FAT3: variants seen among roughly 807,000 people sequenced by gnomAD.
FAT3 encodes the protein FAT atypical cadherin 3, also known as protocadherin Fat 3.
In FAT3, 95 loss-of-function variants were observed where a neutral mutation model predicts 310.2. That is an observed-to-expected ratio of 0.31 (90% confidence interval 0.26 to 0.36). The LOEUF is 0.36. FAT3 is among the 10% of genes least tolerant of loss of function. The pLI is 1.00. For synonymous variants in FAT3, 2,314 were observed against 2,192.9 expected (o/e 1.06, Z -1.54); for missense variants, 5,408 against 5,715.6 (o/e 0.95, Z 1.74).
intron 3 of FAT3, among the ~76,000 whole-genome samples, chr11:92,635,167 G>A (rs547521220): frequency 3.5e-4 from 54 of 152,270 alleles, no homozygotes; most frequent in African/African-American, 1.3e-3. Context: ...TCCTTGTGCT[G>A]CTCCCCTGTT....
intron 3 of FAT3, among the ~76,000 whole-genome samples, chr11:92,668,144 G>T (rs1591586241): frequency 6.6e-6 from 1 of 152,324 alleles, no homozygotes; most frequent in Middle Eastern, 3.4e-3. Flanking sequence ...AGATACCAAA[G>T]TTGCAAGAAC....
At chr11:92,815,370 G>A (rs1254066884) in intron 13 of FAT3, among the ~76,000 whole-genome samples, 2 of 151,952 alleles carry the variant, frequency 1.3e-5, no homozygotes, top group Non-Finnish European at 2.9e-5. Context: ...TCAGGAGATC[G>A]AGACCATCCT....
intron 1 of FAT3, among the ~76,000 whole-genome samples, chr11:92,333,464 G>C (rs1431804899): frequency 6.6e-6 from 1 of 152,144 alleles, no homozygotes; most frequent in South Asian, 2.1e-4. Context: ...GGGACCAAGA[G>C]GGAGGTTTAG....
intron 3 of FAT3, among the ~76,000 whole-genome samples, chr11:92,612,108 G>C (rs546624813): frequency 6.6e-6 from 1 of 152,194 alleles, no homozygotes; most frequent in East Asian, 1.9e-4. Context: ...CCTATATTTA[G>C]AGTTAACCCA....
chr11:92,731,352 G>A (rs1020469591), intron 4 of FAT3, among the ~76,000 whole-genome samples: 1 of 152,012 alleles, frequency 6.6e-6, no homozygotes. Context: ...GGAAAAGGAT[G>A]GTGCCAGCCA....
intron 24 of FAT3, among the ~76,000 whole-genome samples, chr11:92,884,428 CAAG>C (rs1245932032): frequency 6.6e-6 from 1 of 152,156 alleles, no homozygotes; most frequent in Non-Finnish European, 1.5e-5. Flanking sequence ...GTGTCCATCA[CAAG>C]GAGACTAAAG....
At position 92,244,106 on chromosome 11, in the gene FAT3, A is replaced by G. The variant is rs191186846; in HGVS notation, c.-18+18932A>G. Among the ~76,000 whole-genome samples, 345 of 152,180 alleles carry G rather than the reference A, an allele frequency of 2.3e-3. 4 individuals are homozygous for G. The highest frequency in any genetic ancestry group is 7.8e-3 in the African/African-American group (323 of 41,550). On this transcript the variant is annotated intron_variant, in intron 1 of 27. Coordinates refer to ENST00000525166, the MANE Select transcript of FAT3 (RefSeq NM_001367949.2). The stretch of plus-strand genomic sequence containing the variant: ...GTGGGTATTTAGAAGAGAACTTTGA[A>G]GTAGCTTAACTCACAAAGACCGTGC...
At chr11:92,561,119 T>A (rs1955209649) in intron 3 of FAT3, among the ~76,000 whole-genome samples, 1 of 152,212 alleles carries the variant, frequency 6.6e-6, no homozygotes. Context: ...ATAGCCTGTC[T>A]GAGGCACTTG....
chr11:92,628,579 C>CA (rs1321518496), intron 3 of FAT3, among the ~76,000 whole-genome samples: 1 of 152,222 alleles, frequency 6.6e-6, no homozygotes, highest in African/African-American at 2.4e-5. Context: ...TTGCAATTGA[C>CA]AGAGTGCTTA....
Position 92,844,680 on chromosome 11 carries a change from C to T in FAT3, c.11313C>T (p.Arg3771=), listed in dbSNP as rs1189925480. 6.3e-7 allele frequency: 1 copy of T among 1,592,372 alleles called. No individual in the cohort carries two copies. Among genetic ancestry groups the T allele is most frequent in the Admixed American group, 1.7e-5 (1 of 57,660 alleles). ...SHALMTYSTA[R]ISFVCPRFYR... ...CGCTCATGACCTACAGCACGGCTCG[C>T]ATCAGCTTTGTGTGTCCGCGTTTCT... Residue 3771 remains arginine (R), a synonymous_variant, in exon 19 of 28, where the codon CGC becomes CGT. Coordinates refer to ENST00000525166, the MANE Select transcript of FAT3 (RefSeq NM_001367949.2).
At chr11:92,541,418 T>G (rs1185663636) in intron 3 of FAT3, among the ~76,000 whole-genome samples, 3 of 152,192 alleles carry the variant, frequency 2.0e-5, no homozygotes, top group Non-Finnish European at 2.9e-5. Flanking sequence ...CTGCTTTTGT[T>G]TAAACTCCTG....
intron 4 of FAT3, among the ~76,000 whole-genome samples, chr11:92,751,082 G>A (rs1461669577): frequency 1.3e-5 from 2 of 152,208 alleles, no homozygotes; most frequent in Admixed American, 1.3e-4. Flanking sequence ...TGCTGAAACT[G>A]TGGTGCTGAG....
chr11:92,754,825 G>A (rs1042491542), intron 4 of FAT3, among the ~76,000 whole-genome samples: 10 of 151,506 alleles, frequency 6.6e-5, no homozygotes, highest in African/African-American at 2.2e-4. Context: ...TGGAGATTGC[G>A]CCACCGCATT....
In FAT3 at chr11:92,844,042, G is replaced by A; in HGVS notation, c.10675G>A (p.Val3559Ile). 1 of 1,613,996 alleles carries A rather than the reference G, an allele frequency of 6.2e-7. No homozygotes were observed. The highest frequency in any genetic ancestry group is 1.1e-5 in the South Asian group (1 of 91,084). The change falls in exon 19 of 28, where the codon GTC (valine) becomes ATC (isoleucine). Residue 3559 changes from valine (V) to isoleucine (I), a missense_variant. By Grantham distance (29) the Val-to-Ile change is conservative (BLOSUM62 3). This residue lies in a region of FAT3 where 4,588 missense variants were observed against 4,809.8 expected (regional missense o/e 0.95). Transcript: ENST00000525166. ...AGCCATTCCCCTGGAAATTTTCATT[G>A]TCACCATGGAGGATGACTTTCCTGG... is the stretch of plus-strand genomic sequence containing the variant. ...PTAIPLEIFI[V>I]TMEDDFPGGV...
chr11:92,701,256 G>T (rs1359798425), intron 4 of FAT3, among the ~76,000 whole-genome samples: 1 of 152,186 alleles, frequency 6.6e-6, no homozygotes, highest in African/African-American at 2.4e-5. Context: ...GGACATTAAT[G>T]ATTTCTTGGT....
chr11:92,442,081 TTATA>T lies in FAT3; in HGVS notation c.3293-82525_3293-82522del, dbSNP rs869247397. On this transcript the variant is annotated intron_variant, in intron 2 of 27. Coordinates refer to ENST00000525166, the MANE Select transcript of FAT3 (RefSeq NM_001367949.2). ...GTGCAAAACTTAAGAAATATATATT[TTATA>T]TATATATATATATATATATATATAT... Among the ~76,000 whole-genome samples, 18 of 69,992 alleles carry T rather than the reference TTATA, an allele frequency of 2.6e-4. 1 individual carries two copies. The highest frequency in any genetic ancestry group is 8.2e-4 in the African/African-American group (10 of 12,152). The allele number at this position is 69,992 out of a possible 152,430, so 45.9% of individuals were successfully genotyped here.
At chr11:92,633,071 C>T (rs1284279778) in intron 3 of FAT3, among the ~76,000 whole-genome samples, 1 of 152,094 alleles carries the variant, frequency 6.6e-6, no homozygotes, top group African/African-American at 2.4e-5. Flanking sequence ...TGGTATGTTC[C>T]TGGTTCTTGA....
At chr11:92,806,634 G>A (rs1396425123) in intron 12 of FAT3, 119 bp downstream of exon 12, 15 of 833,930 alleles carry the variant, frequency 1.8e-5, no homozygotes. Flanking sequence ...AGGGATGGAG[G>A]GAAATTTTCC....
chr11:92,541,060 A>G lies in FAT3; in HGVS notation c.3607+16112A>G, dbSNP rs1270667237. ...TTACAAGAAAATAAGATTTACCCAA[A>G]TAGAGAAAAGAGTACTTCTTACTCA... On this transcript the variant is annotated intron_variant, in intron 3 of 27. Coordinates refer to ENST00000525166, the MANE Select transcript of FAT3 (RefSeq NM_001367949.2). Among the ~76,000 whole-genome samples the G allele has an allele frequency of 3.9e-5, 6 of 152,196 alleles. No homozygotes were observed. In the East Asian group the frequency reaches 1.2e-3, roughly 29 times the overall value.
Sources: allele counts gnomAD v4.1 joint callset (sites outside exome capture counted in the v4.1 genomes callset), GRCh38; gene constraint gnomAD v4.1.1; regional missense constraint gnomAD v4.1.1; transcripts MANE v1.5; gene names NCBI Gene and HGNC (gene_info 2026-07-23, HGNC 2026-07-21).